The following PMM2 variants were observed in gnomAD, a reference collection of about 807,000 sequenced individuals.
PMM2 encodes the protein phosphomannomutase 2.
PMM2 carries 35 observed loss-of-function variants against 33.2 expected under a neutral mutation model. The observed-to-expected ratio is 1.06, with a 90% CI of 0.81 to 1.40. PMM2 has a LOEUF of 1.40. PMM2 is among the 40% of genes most tolerant of loss of function. The probability of loss-of-function intolerance (pLI) is 0.00; values close to 1 mark genes in which losing one functional copy is unlikely to be tolerated. For missense variants in PMM2, 386 were observed against 306.0 expected, an observed-to-expected ratio of 1.26 and a Z score of -1.95; for synonymous variants, 153 against 114.7, an observed-to-expected ratio of 1.33 and a Z score of -2.13.
Position 8,828,061 on chromosome 16 carries a change from A to T in PMM2, c.639+14955A>T, listed in dbSNP as rs553157520. ...TTTTTTTTTTTACAAAATCTTTTTA[A>T]ATTTCTTATTACCAGACTCTAGCCA... On this transcript the variant is annotated intron_variant, in intron 7 of 7. Transcript: ENST00000268261. 2.6e-3 allele frequency among the ~76,000 whole-genome samples: 172 copies of T among 66,566 alleles called. 1 individual carries two copies. The highest frequency in any genetic ancestry group is 8.6e-3 in the African/African-American group (161 of 18,790). The allele number at this position is 66,566 out of a possible 152,430, so 43.7% of individuals were successfully genotyped here. A position where few individuals can be genotyped will look rare whatever the true frequency, so the allele number is the denominator to read the frequency against.
rs762698160 is a variant in PMM2 at position 8,811,709 on chromosome 16, C to T, written c.519C>T (p.Ser173=). ...TTGCTGGAAAAGGCCTCACGTTTTC[C>T]ATAGGTATTGTATATATTGCCTGTG... The part of the protein sequence containing the change: ...KEFAGKGLTF[S]IGGQISFDVF... Residue 173 remains serine, a synonymous_variant, in exon 6 of 8, where the codon TCC becomes TCT. Coordinates refer to ENST00000268261, the MANE Select transcript of PMM2 (RefSeq NM_000303.3). 3 of 1,605,518 alleles carry T rather than the reference C, an allele frequency of 1.9e-6. No individual in the cohort carries two copies. Among genetic ancestry groups the T allele is most frequent in the South Asian group, 2.2e-5 (2 of 90,910 alleles).
intron 7 of PMM2, among the ~76,000 whole-genome samples, chr16:8,847,148 G>A (rs1413705036): frequency 6.6e-6 from 1 of 152,156 alleles, no homozygotes; most frequent in Non-Finnish European, 1.5e-5. Context: ...ACAGGCATGA[G>A]CCACCATGCC....
At chr16:8,831,090 G>T (rs1383713962) in intron 7 of PMM2, among the ~76,000 whole-genome samples, 1 of 152,202 alleles carries the variant, frequency 6.6e-6, no homozygotes, top group Non-Finnish European at 1.5e-5. Context: ...AGTGAGCCGA[G>T]AGTGTGCCAC....
chr16:8,837,304 C>T (rs777603982), intron 7 of PMM2, among the ~76,000 whole-genome samples: 25 of 151,936 alleles, frequency 1.6e-4, no homozygotes, highest in Non-Finnish European at 2.6e-4. Flanking sequence ...ACTGAAAGTG[C>T]CGTTTTCTGG....
chr16:8,802,413 G>A (rs2060621727), intron 2 of PMM2: 1 of 401,866 alleles, frequency 2.5e-6, no homozygotes, highest in South Asian at 1.8e-5. Context: ...AGAGATTCTA[G>A]TGTACAACCT....
At chr16:8,799,516 A>G (rs1202538419) in intron 1 of PMM2, among the ~76,000 whole-genome samples, 1 of 151,712 alleles carries the variant, frequency 6.6e-6, no homozygotes, top group African/African-American at 2.4e-5. Context: ...CCATTCAGGA[A>G]AGTGCTTCTG....
chr16:8,816,540 G>A (rs928571661), intron 7 of PMM2, among the ~76,000 whole-genome samples: 3 of 151,206 alleles, frequency 2.0e-5, no homozygotes, highest in Admixed American at 1.3e-4. Context: ...CAGGAGTTCC[G>A]AGACCAGCCT....
intron 7 of PMM2, among the ~76,000 whole-genome samples, chr16:8,846,271 T>C (rs77035849): frequency 0.012 from 1,841 of 152,292 alleles, 40 homozygotes; most frequent in African/African-American, 0.042. Context: ...ATTAATTCTT[T>C]TAAAGGATGT....
Position 8,847,773 on chromosome 16 carries a change from C to A in PMM2, c.689C>A (p.Ser230Tyr). The A allele has an allele frequency of 6.2e-7, 1 of 1,614,064 alleles. No individual in the cohort carries two copies. Among genetic ancestry groups the A allele is most frequent in the Non-Finnish European group, 8.5e-7 (1 of 1,179,968 alleles). The change falls in exon 8 of 8, where the codon TCC becomes TAC. Residue 230 changes from serine to tyrosine, a missense_variant. Coordinates refer to ENST00000268261, the MANE Select transcript of PMM2 (RefSeq NM_000303.3). ...ACAGACCCCAGAACCATGGGCTACT[C>A]CGTGACAGCGCCTGAGGACACGCGC... ...IFTDPRTMGY[S>Y]VTAPEDTRRI...
chr16:8,838,963 G>T (rs1324298424), intron 7 of PMM2, among the ~76,000 whole-genome samples: 1 of 152,094 alleles, frequency 6.6e-6, no homozygotes, highest in East Asian at 1.9e-4. Context: ...GACAACTGCA[G>T]CTAAAGAGTC....
chr16:8,843,575 C>T (rs986275895), intron 7 of PMM2, among the ~76,000 whole-genome samples: 11 of 152,158 alleles, frequency 7.2e-5, no homozygotes, highest in Admixed American at 1.3e-4. Context: ...TCTGGAGGAA[C>T]GCCTGGCCGC....
At chr16:8,826,626 G>A (rs541383419) in intron 7 of PMM2, among the ~76,000 whole-genome samples, 4 of 152,130 alleles carry the variant, frequency 2.6e-5, no homozygotes, top group South Asian at 2.1e-4. Flanking sequence ...GATTACTAAC[G>A]TCATGTGAAC....
chr16:8,840,301 G>C (rs554527668), intron 7 of PMM2, among the ~76,000 whole-genome samples: 1 of 152,126 alleles, frequency 6.6e-6, no homozygotes, highest in South Asian at 2.1e-4. Context: ...TGCCAGCAAA[G>C]ATCATCTATC....
rs1307190161 is a variant in PMM2 at position 8,806,410 on chromosome 16, G to A, written c.347+3G>A. 16 of 1,604,414 alleles carry A rather than the reference G, an allele frequency of 1.0e-5. No homozygotes were observed. The highest frequency in any genetic ancestry group is 1.3e-5 in the Non-Finnish European group (15 of 1,171,100). On this transcript the variant is annotated splice_donor_region_variant and intron_variant, in intron 4 of 7. Transcript: ENST00000268261. ...AAAATTAAACTCCCGAAGAAGAGGT[G>A]GGTTTGCTTTTAACAAAGAGGCGTC...
intron 1 of PMM2, among the ~76,000 whole-genome samples, chr16:8,801,017 A>G (rs2060613141): frequency 6.6e-6 from 1 of 152,148 alleles, no homozygotes; most frequent in Non-Finnish European, 1.5e-5. Context: ...ATGTTGTTTT[A>G]TTTTAAAATC....
At chr16:8,837,851 G>A (rs906228106) in intron 7 of PMM2, among the ~76,000 whole-genome samples, 1 of 152,040 alleles carries the variant, frequency 6.6e-6, no homozygotes, top group African/African-American at 2.4e-5. Flanking sequence ...AAACACCAAG[G>A]GAAGGCTGCC....
intron 6 of PMM2, 92 bp from the exon 7 acceptor site, chr16:8,812,899 A>G (rs1246822383): frequency 2.5e-6 from 2 of 804,626 alleles, no homozygotes; most frequent in Admixed American, 1.7e-5. Context: ...GCAACCCACT[A>G]ACTGACAAAA....
intron 7 of PMM2, chr16:8,842,139 G>C (rs2060894836): frequency 1.3e-5 from 2 of 151,244 alleles, no homozygotes. Context: ...AAGGAAGGGA[G>C]TTGTTGTTTT....
chr16:8,832,706 T>C, intron 7 of PMM2: 1 of 985,416 alleles, frequency 1.0e-6, no homozygotes, highest in Non-Finnish European at 1.2e-6. Flanking sequence ...TGTTGTAAAG[T>C]AATCTGATCA....
Sources: allele counts gnomAD v4.1 joint callset (sites outside exome capture counted in the v4.1 genomes callset), GRCh38; gene constraint gnomAD v4.1.1; transcripts MANE v1.5; gene names NCBI Gene and HGNC (gene_info 2026-07-23, HGNC 2026-07-21).